CACNG1: variants seen among roughly 807,000 people sequenced by gnomAD.
CACNG1 encodes the protein calcium voltage-gated channel auxiliary subunit gamma 1.
A neutral mutation model predicts 22.0 loss-of-function variants in CACNG1; 21 were observed. The observed-to-expected ratio is 0.95, with a 90% CI of 0.68 to 1.37. CACNG1 has a LOEUF of 1.37. CACNG1 is among the 40% of genes most tolerant of loss of function. CACNG1 has a pLI of 0.00. For missense variants in CACNG1, 291 were observed against 308.6 expected (o/e 0.94, Z 0.43); for synonymous variants, 127 against 129.2 (o/e 0.98, Z 0.12).
In CACNG1 at chr17:67,055,307, C is replaced by T; in HGVS notation, c.442+67C>T. 2 of 1,525,668 alleles carry T rather than the reference C, an allele frequency of 1.3e-6. No homozygotes were observed. The highest frequency in any genetic ancestry group is 2.3e-5 in the East Asian group (1 of 43,958). 94.5% of individuals were successfully genotyped at this position (1,525,668 alleles called of 1,614,324 possible). A position where few individuals can be genotyped will look rare whatever the true frequency, so the allele number is the denominator to read the frequency against. On this transcript the variant is annotated intron_variant, in intron 3 of 3. Transcript: ENST00000226021. This position sits in a 1 kb window ranked among gnomAD's most constrained non-coding sequence, Gnocchi z 4.5. Reference sequence around the variant, plus strand: ...ATGTCGCGGGGGATTCTCCGCTCCACCCTCATGCCCACCGCGAGATTTGGG... The same window carrying T: ...ATGTCGCGGGGGATTCTCCGCTCCATCCTCATGCCCACCGCGAGATTTGGG...
Position 67,055,293 on chromosome 17 carries a change from G to T in CACNG1, c.442+53G>T. 1.3e-6 allele frequency: 2 copies of T among 1,569,942 alleles called. No individual in the cohort carries two copies. Among genetic ancestry groups the T allele is most frequent in the African/African-American group, 1.3e-5 (1 of 74,376 alleles). ...GGGGCCGGGGGACCATGTCGCGGGG[G>T]ATTCTCCGCTCCACCCTCATGCCCA... On this transcript the variant is annotated intron_variant, in intron 3 of 3. Transcript: ENST00000226021. The surrounding 1 kb of genome is among the most constrained non-coding windows in gnomAD (Gnocchi z 4.5).
rs1189961987 is a variant in CACNG1 at position 67,055,700 on chromosome 17, A to G, written c.443-345A>G. 6.6e-6 allele frequency among the ~76,000 whole-genome samples: 1 copy of G among 151,424 alleles called. No individual in the cohort carries two copies. The highest frequency in any genetic ancestry group is 1.5e-5 in the Non-Finnish European group (1 of 67,832). ...CACCACCACACCTGGCTAATTTTTC[A>G]TTGTATTTTAATTTTTTGTAGAGAC... On this transcript the variant is annotated intron_variant, in intron 3 of 3. Coordinates refer to ENST00000226021, the MANE Select transcript of CACNG1 (RefSeq NM_000727.4). This position sits in a 1 kb window ranked among gnomAD's most constrained non-coding sequence, Gnocchi z 4.5.
At position 67,055,911 on chromosome 17, in the gene CACNG1, A is replaced by G; in HGVS notation, c.443-134A>G. The G allele has an allele frequency of 1.5e-6, 1 of 668,482 alleles. No homozygotes were observed. Among genetic ancestry groups the G allele is most frequent in the South Asian group, 1.8e-5 (1 of 56,814 alleles). 41.4% of individuals were successfully genotyped at this position (668,482 alleles called of 1,614,324 possible). A position where few individuals can be genotyped will look rare whatever the true frequency, so the allele number is the denominator to read the frequency against. ...CAAATGGATCCTTCTGCAGGTTCCCATCTAGAACCTGCCTTGAGGCAGCTT... is the reference window on the plus strand; with the variant it reads ...CAAATGGATCCTTCTGCAGGTTCCCGTCTAGAACCTGCCTTGAGGCAGCTT... On this transcript the variant is annotated intron_variant, in intron 3 of 3. Coordinates refer to ENST00000226021, the MANE Select transcript of CACNG1 (RefSeq NM_000727.4). This position sits in a 1 kb window ranked among gnomAD's most constrained non-coding sequence, Gnocchi z 4.5.
chr17:67,056,431 G>A lies in CACNG1; in HGVS notation c.*160G>A. 2 of 640,650 alleles carry A rather than the reference G, an allele frequency of 3.1e-6. No homozygotes were observed. The highest frequency in any genetic ancestry group is 5.4e-6 in the Non-Finnish European group (2 of 371,762). The allele number at this position is 640,650 out of a possible 1,614,324, so 39.7% of individuals were successfully genotyped here. ...CTGCTTCCTCTCTCTGAGTTCCTCT[G>A]GGCTGCCGCAGGCTCCCCTGGGAAT... On this transcript the variant is annotated 3_prime_UTR_variant, in exon 4 of 4. Coordinates refer to ENST00000226021, the MANE Select transcript of CACNG1 (RefSeq NM_000727.4). The surrounding 1 kb of genome is among the most constrained non-coding windows in gnomAD (Gnocchi z 4.3).
At chr17:67,048,915 G>C (rs1241613243) in intron 1 of CACNG1, among the ~76,000 whole-genome samples, 2 of 152,108 alleles carry the variant, frequency 1.3e-5, no homozygotes, top group African/African-American at 4.8e-5. Flanking sequence ...AATGACGAGA[G>C]CCTCGGAGAC....
chr17:67,054,017 G>C lies in CACNG1; in HGVS notation c.251G>C (p.Arg84Thr). The C allele has an allele frequency of 6.2e-7, 1 of 1,614,106 alleles. No individual in the cohort carries two copies. The highest frequency in any genetic ancestry group is 8.5e-7 in the Non-Finnish European group (1 of 1,179,970). ...GCAGAGAAGAACTGTTCCTACTTCA[G>C]GCATTTTAACCCCGGCGAGAGCTCG... is the stretch of plus-strand genomic sequence containing the variant. Reference protein sequence around the residue: ...LPGEKNCSYFRHFNPGESSEI... With the variant: ...LPGEKNCSYFTHFNPGESSEI... The change falls in exon 2 of 4, where the codon AGG (arginine) becomes ACG (threonine). Residue 84 changes from arginine (R) to threonine (T), a missense_variant. Arg to Thr is a moderately conservative substitution (Grantham distance 71, BLOSUM62 -1). Transcript: ENST00000226021. This position sits in a 1 kb window ranked among gnomAD's most constrained non-coding sequence, Gnocchi z 4.6.
intron 1 of CACNG1, among the ~76,000 whole-genome samples, chr17:67,048,486 CT>C (rs1344543810): frequency 1.3e-5 from 2 of 152,098 alleles, no homozygotes; most frequent in South Asian, 4.1e-4. Context: ...CAGAGCAAGA[CT>C]CTGTCTCTAA....
At chr17:67,049,957 A>G (rs2035719272) in intron 1 of CACNG1, among the ~76,000 whole-genome samples, 1 of 152,226 alleles carries the variant, frequency 6.6e-6, no homozygotes, top group African/African-American at 2.4e-5. Context: ...TTCCATGTAC[A>G]AGATCAACAT....
intron 1 of CACNG1, among the ~76,000 whole-genome samples, chr17:67,046,337 C>T (rs1354418498): frequency 6.6e-6 from 1 of 152,156 alleles, no homozygotes; most frequent in Non-Finnish European, 1.5e-5. Context: ...TGAAACCTGT[C>T]CTTCAAGGAC....
chr17:67,054,294 G>A lies in CACNG1; in HGVS notation c.304+224G>A, dbSNP rs1598141385. On this transcript the variant is annotated intron_variant, in intron 2 of 3. Transcript: ENST00000226021. The surrounding 1 kb of genome is among the most constrained non-coding windows in gnomAD (Gnocchi z 4.6). ...AGCTTCCACACCTCGGGGCCAGGGA[G>A]CGTTTGCAGAAGCAGCACCTCCTGG... Among the ~76,000 whole-genome samples, 1 of 152,224 alleles carries A rather than the reference G, an allele frequency of 6.6e-6. No homozygotes were observed. Among genetic ancestry groups the A allele is most frequent in the Admixed American group, 6.5e-5 (1 of 15,286 alleles).
chr17:67,055,612 C>T lies in CACNG1; in HGVS notation c.442+372C>T, dbSNP rs569380131. The stretch of plus-strand genomic sequence containing the variant: ...GCACAATCACAGCTCACTGCAGCCT[C>T]GAACTCCTGGGTTCAAGGGTTCCTC... On this transcript the variant is annotated intron_variant, in intron 3 of 3. Coordinates refer to ENST00000226021, the MANE Select transcript of CACNG1 (RefSeq NM_000727.4). This position sits in a 1 kb window ranked among gnomAD's most constrained non-coding sequence, Gnocchi z 4.5. 7.4e-4 allele frequency among the ~76,000 whole-genome samples: 112 copies of T among 152,290 alleles called. 1 individual carries two copies. Among genetic ancestry groups the T allele is most frequent in the Non-Finnish European group, 2.8e-4 (19 of 68,024 alleles).
At position 67,055,778 on chromosome 17, in the gene CACNG1, G is replaced by A. The variant is rs917588333; in HGVS notation, c.443-267G>A. On this transcript the variant is annotated intron_variant, in intron 3 of 3. Coordinates refer to ENST00000226021, the MANE Select transcript of CACNG1 (RefSeq NM_000727.4). This position sits in a 1 kb window ranked among gnomAD's most constrained non-coding sequence, Gnocchi z 4.5. The stretch of plus-strand genomic sequence containing the variant: ...TGGTCTCAAACTCCTGGCCTCAAGC[G>A]ATCCTCCTGCCTCAGCCTCCCAAAG... Among the ~76,000 whole-genome samples, 3 of 152,080 alleles carry A rather than the reference G, an allele frequency of 2.0e-5. No homozygotes were observed. The highest frequency in any genetic ancestry group is 6.6e-5 in the Admixed American group (1 of 15,266).
At position 67,044,936 on chromosome 17, in the gene CACNG1, C is replaced by T. The variant is rs188901713; in HGVS notation, c.229+47C>T. On this transcript the variant is annotated intron_variant, in intron 1 of 3. Transcript: ENST00000226021. The surrounding 1 kb of genome is among the most constrained non-coding windows in gnomAD (Gnocchi z 6.9). ...CCGATCCCCACCTCCTGCTCTTCCCCGTCATCCCCCTGGCAAAGTTGCCCT... is the reference window on the plus strand; with the variant it reads ...CCGATCCCCACCTCCTGCTCTTCCCTGTCATCCCCCTGGCAAAGTTGCCCT... 6,516 of 1,486,228 alleles carry T rather than the reference C, an allele frequency of 4.4e-3. 25 individuals are homozygous for T. Among genetic ancestry groups the T allele is most frequent in the Non-Finnish European group, 4.8e-3 (5,185 of 1,081,812 alleles). The allele number at this position is 1,486,228 out of a possible 1,614,324, so 92.1% of individuals were successfully genotyped here. A position where few individuals can be genotyped will look rare whatever the true frequency, so the allele number is the denominator to read the frequency against.
At chr17:67,047,559 G>A (rs1337945515) in intron 1 of CACNG1, among the ~76,000 whole-genome samples, 1 of 152,144 alleles carries the variant, frequency 6.6e-6, no homozygotes, top group Non-Finnish European at 1.5e-5. Flanking sequence ...GACCTGTCTG[G>A]TGATTCCCTG....
At chr17:67,048,403 G>A (rs963669715) in intron 1 of CACNG1, among the ~76,000 whole-genome samples, 2 of 152,094 alleles carry the variant, frequency 1.3e-5, no homozygotes, top group African/African-American at 4.8e-5. Flanking sequence ...GCTTAGGTGA[G>A]GGAATTGTTT....
Position 67,056,314 on chromosome 17 carries a change from A to T in CACNG1, c.*43A>T. The T allele has an allele frequency of 6.3e-7, 1 of 1,583,838 alleles. No individual in the cohort carries two copies. Among genetic ancestry groups the T allele is most frequent in the Non-Finnish European group, 8.7e-7 (1 of 1,154,930 alleles). The stretch of plus-strand genomic sequence containing the variant: ...CGACCCTCAGGCTTCTTCCCCAGGA[A>T]GCGGGGTCTTGGCCTGGAACCTTCC... On this transcript the variant is annotated 3_prime_UTR_variant, in exon 4 of 4. Coordinates refer to ENST00000226021, the MANE Select transcript of CACNG1 (RefSeq NM_000727.4). This position sits in a 1 kb window ranked among gnomAD's most constrained non-coding sequence, Gnocchi z 4.3.
At chr17:67,050,379 T>G (rs1206988513) in intron 1 of CACNG1, among the ~76,000 whole-genome samples, 1 of 152,250 alleles carries the variant, frequency 6.6e-6, no homozygotes, top group African/African-American at 2.4e-5. Flanking sequence ...TTTTATAAAA[T>G]TCTTCAATCA....
chr17:67,056,326 G>T lies in CACNG1; in HGVS notation c.*55G>T. On this transcript the variant is annotated 3_prime_UTR_variant, in exon 4 of 4. Coordinates refer to ENST00000226021, the MANE Select transcript of CACNG1 (RefSeq NM_000727.4). The surrounding 1 kb of genome is among the most constrained non-coding windows in gnomAD (Gnocchi z 4.3). Reference sequence around the variant, plus strand: ...TTCTTCCCCAGGAAGCGGGGTCTTGGCCTGGAACCTTCCAGAGAGGAGGCG... The same window carrying T: ...TTCTTCCCCAGGAAGCGGGGTCTTGTCCTGGAACCTTCCAGAGAGGAGGCG... 1 of 1,537,128 alleles carries T rather than the reference G, an allele frequency of 6.5e-7. No homozygotes were observed. Among genetic ancestry groups the T allele is most frequent in the Middle Eastern group, 1.7e-4 (1 of 5,898 alleles).
chr17:67,054,662 CAA>C lies in CACNG1; in HGVS notation c.305-440_305-439del, dbSNP rs1374738399. 2.6e-5 allele frequency among the ~76,000 whole-genome samples: 4 copies of C among 151,374 alleles called. No homozygotes were observed. Among genetic ancestry groups the C allele is most frequent in the African/African-American group, 9.7e-5 (4 of 41,220 alleles). The stretch of plus-strand genomic sequence containing the variant: ...CACAGATACACACACACGACACACA[CAA>C]GACACAGACGCACAGAGACACTGAC... On this transcript the variant is annotated intron_variant, in intron 2 of 3. Coordinates refer to ENST00000226021, the MANE Select transcript of CACNG1 (RefSeq NM_000727.4). This position sits in a 1 kb window ranked among gnomAD's most constrained non-coding sequence, Gnocchi z 4.6.
Sources: gnomAD v4.1 joint callset for allele counts (sites outside exome capture counted in the v4.1 genomes callset) on GRCh38, gnomAD v4.1.1 for gene constraint, Gnocchi (gnomAD v3.1) non-coding constraint, MANE v1.5 for transcripts, NCBI Gene and HGNC (gene_info 2026-07-23, HGNC 2026-07-21) for gene names.